Variants in RNF220 observed in about 807,000 individuals in gnomAD.
The protein encoded by RNF220 is ring finger protein 220.
In RNF220, 7 loss-of-function variants were observed where a neutral mutation model predicts 67.1. The observed-to-expected ratio is 0.10, with a 90% CI of 0.06 to 0.20. The LOEUF is 0.20. RNF220 is among the 10% of genes least tolerant of loss of function. RNF220 has a pLI of 1.00. For missense variants in RNF220, 565 were observed against 740.3 expected (o/e 0.76, Z 2.75); for synonymous variants, 270 against 283.2 (o/e 0.95, Z 0.47).
At chr1:44,471,669 C>T (rs1654818067) in intron 2 of RNF220, among the ~76,000 whole-genome samples, 1 of 151,896 alleles carries the variant, frequency 6.6e-6, no homozygotes, top group South Asian at 2.1e-4. Flanking sequence ...ACTAAAAATA[C>T]AAAAAATTGG....
rs184502778 is a variant in RNF220 at position 44,548,959 on chromosome 1, G to A, written c.626-65206G>A. Among the ~76,000 whole-genome samples the A allele has an allele frequency of 4.3e-3, 661 of 152,328 alleles. 7 individuals are homozygous for A. Among genetic ancestry groups the A allele is most frequent in the African/African-American group, 0.015 (627 of 41,562 alleles). Reference sequence around the variant, plus strand: ...TTATGCTTGTAATCCCAGCACTTTGGGAGGCCAAGGCGGGCAGATCAGTTC... The same window carrying A: ...TTATGCTTGTAATCCCAGCACTTTGAGAGGCCAAGGCGGGCAGATCAGTTC... On this transcript the variant is annotated intron_variant, in intron 2 of 14. Transcript: ENST00000361799.
Position 44,632,400 on chromosome 1 carries a change from G to GCCCCCAGC in RNF220, c.949+19_949+20insCAGCCCCC. The GCCCCCAGC allele has an allele frequency of 6.2e-7, 1 of 1,607,452 alleles. No homozygotes were observed. The highest frequency in any genetic ancestry group is 2.2e-5 in the East Asian group (1 of 44,634). ...CCGACTGAATGGTGAGTCCTGCCCG[G>GCCCCCAGC]CCCCTCCCTCCGCCCCACCCCCGGC... is the stretch of plus-strand genomic sequence containing the variant. On this transcript the variant is annotated intron_variant, in intron 6 of 14. Transcript: ENST00000361799.
intron 2 of RNF220, among the ~76,000 whole-genome samples, chr1:44,505,702 C>A (rs968300028): frequency 2.6e-5 from 4 of 152,208 alleles, no homozygotes; most frequent in African/African-American, 9.6e-5. Flanking sequence ...TGCTTCACTG[C>A]TGAGTGTTGG....
chr1:44,504,030 T>C (rs1235143618), intron 2 of RNF220, among the ~76,000 whole-genome samples: 1 of 152,238 alleles, frequency 6.6e-6, no homozygotes, highest in South Asian at 2.1e-4. Context: ...TTTTTATTTT[T>C]AGTAGAGATG....
rs1643883490 is a variant in RNF220, at chr1:44,624,387, C to T, written c.804+1600C>T. Among the ~76,000 whole-genome samples the T allele has an allele frequency of 6.6e-6, 1 of 152,174 alleles. No homozygotes were observed. Among genetic ancestry groups the T allele is most frequent in the African/African-American group, 2.4e-5 (1 of 41,428 alleles). ...AACCCCTGGCAGACACAGTCTACCT[C>T]CGTCCCTAGCTCCCCACATATACAG... On this transcript the variant is annotated intron_variant, in intron 4 of 14. Transcript: ENST00000361799. The surrounding 1 kb of genome is among the most constrained non-coding windows in gnomAD (Gnocchi z 4.2).
In RNF220 at chr1:44,621,510, G is replaced by T. The variant is rs1311071427; in HGVS notation, c.759-1232G>T. On this transcript the variant is annotated intron_variant, in intron 3 of 14. Coordinates refer to ENST00000361799, the MANE Select transcript of RNF220 (RefSeq NM_018150.4). This position sits in a 1 kb window ranked among gnomAD's most constrained non-coding sequence, Gnocchi z 4.8. ...AGCAACCTCCCCTCCCTCCGCTCAA[G>T]TTTTGACAATCAAAAATGTCTCCAG... Among the ~76,000 whole-genome samples, 4 of 152,140 alleles carry T rather than the reference G, an allele frequency of 2.6e-5. No individual in the cohort carries two copies. Among genetic ancestry groups the T allele is most frequent in the Non-Finnish European group, 4.4e-5 (3 of 68,028 alleles).
intron 2 of RNF220, among the ~76,000 whole-genome samples, chr1:44,560,822 A>G (rs1313171683): frequency 6.6e-6 from 1 of 152,050 alleles, no homozygotes; most frequent in Non-Finnish European, 1.5e-5. Context: ...CAGCCTCCCA[A>G]AGTGCTGGGA....
At chr1:44,448,248 G>A (rs542967944) in intron 2 of RNF220, among the ~76,000 whole-genome samples, 10 of 152,192 alleles carry the variant, frequency 6.6e-5, no homozygotes, top group South Asian at 2.1e-4. Flanking sequence ...GCAGTGAGCC[G>A]AGATTGCCGC....
intron 2 of RNF220, among the ~76,000 whole-genome samples, chr1:44,428,985 G>C (rs1232667326): frequency 1.3e-5 from 2 of 150,466 alleles, no homozygotes; most frequent in East Asian, 3.9e-4. Context: ...GAAGGAAGTG[G>C]TGATGAAATT....
chr1:44,642,608 G>A (rs1243688393), intron 8 of RNF220, among the ~76,000 whole-genome samples: 1 of 152,174 alleles, frequency 6.6e-6, no homozygotes, highest in East Asian at 1.9e-4. Flanking sequence ...ATGAGTCCTG[G>A]GCCAGGCATG....
chr1:44,648,357 CA>C (rs1644704768), intron 12 of RNF220: 1 of 152,234 alleles, frequency 6.6e-6, no homozygotes, highest in Non-Finnish European at 1.5e-5. Context: ...CAATCTCTGG[CA>C]TTTAGTAAGT....
chr1:44,601,374 A>G (rs1243282009), intron 2 of RNF220, among the ~76,000 whole-genome samples: 1 of 152,136 alleles, frequency 6.6e-6, no homozygotes, highest in East Asian at 1.9e-4. Flanking sequence ...GCCATATGGA[A>G]GAGAGAGCTG....
At chr1:44,491,826 G>A (rs146040413) in intron 2 of RNF220, among the ~76,000 whole-genome samples, 2,029 of 152,184 alleles carry the variant, frequency 0.013, 39 homozygotes, top group African/African-American at 0.046. Flanking sequence ...ACCACGCCCG[G>A]CTAATTTTTG....
intron 8 of RNF220, 71 bp downstream of exon 8, chr1:44,636,233 G>A (rs1184201698): frequency 1.0e-5 from 16 of 1,558,280 alleles, no homozygotes; most frequent in Middle Eastern, 3.4e-4. Flanking sequence ...TCTGCTGGAA[G>A]CCAAGAGGCC....
At position 44,650,433 on chromosome 1, in the gene RNF220, A is replaced by AG. The variant is rs1417274420; in HGVS notation, c.1630-268dup. On this transcript the variant is annotated intron_variant, in intron 14 of 14. Transcript: ENST00000361799. The surrounding 1 kb of genome is among the most constrained non-coding windows in gnomAD (Gnocchi z 4.3). ...ATCAAAGGCCGCGTGTAATCTCGTT[A>AG]GGGCTGCGGCTGCCACAGCTGGACC... The AG allele has an allele frequency of 1.9e-6, 1 of 536,762 alleles. No homozygotes were observed. Among genetic ancestry groups the AG allele is most frequent in the African/African-American group, 1.9e-5 (1 of 52,464 alleles). 33.2% of individuals were successfully genotyped at this position (536,762 alleles called of 1,614,324 possible). A position where few individuals can be genotyped will look rare whatever the true frequency, so the allele number is the denominator to read the frequency against.
chr1:44,596,971 A>C (rs529736367), intron 2 of RNF220, among the ~76,000 whole-genome samples: 1 of 152,364 alleles, frequency 6.6e-6, no homozygotes, highest in East Asian at 1.9e-4. Flanking sequence ...TGATTGAGAG[A>C]GAACAAGCGA....
chr1:44,436,469 G>C (rs1485017437), intron 2 of RNF220, among the ~76,000 whole-genome samples: 3 of 152,122 alleles, frequency 2.0e-5, no homozygotes, highest in Admixed American at 6.5e-5. Context: ...ACAGTGTACA[G>C]CAACTGCTAG....
intron 2 of RNF220, among the ~76,000 whole-genome samples, chr1:44,507,626 T>A (rs1196807600): frequency 6.6e-6 from 1 of 151,922 alleles, no homozygotes; most frequent in Non-Finnish European, 1.5e-5. Context: ...GCGGGCAGGC[T>A]TGGAGTGGCG....
intron 2 of RNF220, among the ~76,000 whole-genome samples, chr1:44,449,797 A>G (rs1384437609): frequency 2.0e-5 from 3 of 152,232 alleles, no homozygotes; most frequent in Non-Finnish European, 4.4e-5. Flanking sequence ...ACACATTGCT[A>G]GGTACTGAAG....
Sources: allele counts gnomAD v4.1 joint callset (sites outside exome capture counted in the v4.1 genomes callset), GRCh38; gene constraint gnomAD v4.1.1; non-coding constraint Gnocchi (gnomAD v3.1); transcripts MANE v1.5; gene names NCBI Gene and HGNC (gene_info 2026-07-23, HGNC 2026-07-21).